The following NOL4L variants were observed in gnomAD, a reference collection of about 807,000 sequenced individuals.
The protein encoded by NOL4L is nucleolar protein 4-like.
NOL4L carries 7 observed loss-of-function variants against 64.5 expected under a neutral mutation model. The observed-to-expected ratio is 0.11, with a 90% CI of 0.06 to 0.20. The LOEUF is 0.20. Among genes scored for constraint, NOL4L ranks in the 10% least tolerant of loss-of-function variants. The probability of loss-of-function intolerance (pLI) is 1.00; values close to 1 mark genes in which losing one functional copy is unlikely to be tolerated. For synonymous variants in NOL4L, 413 were observed against 401.0 expected (o/e 1.03, Z -0.36); for missense variants, 680 against 967.1 (o/e 0.70, Z 3.94).
chr20:32,448,032 C>A (rs573793736), intron 10 of NOL4L, among the ~76,000 whole-genome samples: 1 of 152,308 alleles, frequency 6.6e-6, no homozygotes, highest in South Asian at 2.1e-4. Context: ...TCAGGGTGAT[C>A]TTGCAAGGAT....
At chr20:32,473,691 G>A (rs1396867764) in intron 5 of NOL4L, among the ~76,000 whole-genome samples, 2 of 152,120 alleles carry the variant, frequency 1.3e-5, no homozygotes, top group Non-Finnish European at 2.9e-5. Flanking sequence ...AGGCTGACCC[G>A]TTTCACAGAG....
chr20:32,515,934 T>C (rs2017636593), intron 3 of NOL4L, among the ~76,000 whole-genome samples: 1 of 152,210 alleles, frequency 6.6e-6, no homozygotes, highest in Admixed American at 6.5e-5. Context: ...CCTAGTTTTA[T>C]GCAGTCTCGA....
rs2012261229 is a variant in NOL4L at position 32,444,819 on chromosome 20, G to A, written c.*2777C>T. 6.6e-6 allele frequency: 1 copy of A among 152,236 alleles called. No homozygotes were observed. Among genetic ancestry groups the A allele is most frequent in the Non-Finnish European group, 1.5e-5 (1 of 68,036 alleles). The allele number at this position is 152,236 out of a possible 1,614,324, so 9.4% of individuals were successfully genotyped here. On this transcript the variant is annotated 3_prime_UTR_variant, in exon 11 of 11. Transcript: ENST00000621426. ...TGGCTGTGGGACAAGGGCTTTGGGAGCTCCTTTTGGGAGAAGGCAGTCCCT... is the reference window on the plus strand; with the variant it reads ...TGGCTGTGGGACAAGGGCTTTGGGAACTCCTTTTGGGAGAAGGCAGTCCCT...
chr20:32,467,811 C>T (rs1220526983), intron 5 of NOL4L, among the ~76,000 whole-genome samples: 2 of 152,194 alleles, frequency 1.3e-5, no homozygotes, highest in Non-Finnish European at 2.9e-5. Context: ...GCTCTGTGTG[C>T]CCCCACACTT....
chr20:32,540,999 G>A (rs559261790), intron 1 of NOL4L, among the ~76,000 whole-genome samples: 160 of 70,736 alleles, frequency 2.3e-3, no homozygotes, highest in African/African-American at 9.1e-3. Context: ...AGCCTGCCTC[G>A]CCACCCCCTA....
At chr20:32,512,694 G>GT (rs35149216) in intron 3 of NOL4L, among the ~76,000 whole-genome samples, 8 of 151,392 alleles carry the variant, frequency 5.3e-5, no homozygotes, top group Admixed American at 6.6e-5. Flanking sequence ...CTTTTAAAAA[G>GT]TTTTTTTTTC....
intron 4 of NOL4L, chr20:32,509,703 G>A: frequency 8.3e-7 from 1 of 1,211,456 alleles, no homozygotes; most frequent in African/African-American, 1.6e-5. Flanking sequence ...TGAAGATACA[G>A]TTAGGATTTT....
rs546794767 is a variant in NOL4L, at chr20:32,444,118, A to G, written c.*3478T>C. The G allele has an allele frequency of 2.6e-5, 4 of 152,364 alleles. No individual in the cohort carries two copies. The highest frequency in any genetic ancestry group is 9.6e-5 in the African/African-American group (4 of 41,588). The allele number at this position is 152,364 out of a possible 1,614,324, so 9.4% of individuals were successfully genotyped here. A position where few individuals can be genotyped will look rare whatever the true frequency, so the allele number is the denominator to read the frequency against. On this transcript the variant is annotated 3_prime_UTR_variant, in exon 11 of 11. Coordinates refer to ENST00000621426, the MANE Select transcript of NOL4L (RefSeq NM_001256798.2). ...TGCAGAACACACAGGGACTGGGGGC[A>G]TCTGTACATGTAAACAGTACACTTT... is the stretch of plus-strand genomic sequence containing the variant.
chr20:32,499,245 G>A (rs978239671), intron 4 of NOL4L, among the ~76,000 whole-genome samples: 21 of 152,240 alleles, frequency 1.4e-4, no homozygotes, highest in African/African-American at 4.6e-4. Context: ...GGGGAATGCT[G>A]TGCTGTCCAT....
chr20:32,559,358 T>A (rs1329562786), intron 1 of NOL4L, among the ~76,000 whole-genome samples: 1 of 152,228 alleles, frequency 6.6e-6, no homozygotes, highest in East Asian at 1.9e-4. Flanking sequence ...CCAGCCTAGA[T>A]GCTGGCACAT....
chr20:32,453,908 ACTCCCCTCTTCTG>A lies in NOL4L; in HGVS notation c.1120-160_1120-148del. On this transcript the variant is annotated intron_variant, in intron 6 of 10. Transcript: ENST00000621426. The surrounding 1 kb of genome is among the most constrained non-coding windows in gnomAD (Gnocchi z 5.6). ...ATAGCTGCGAGGCCCTGAGCAAGTC[ACTCCCCTCTTCTG>A]CTCCCTTCATCTGTGCAATGGGGAC... 1 of 686,928 alleles carries A rather than the reference ACTCCCCTCTTCTG, an allele frequency of 1.5e-6. No individual in the cohort carries two copies. The highest frequency in any genetic ancestry group is 2.5e-6 in the Non-Finnish European group (1 of 407,770). The allele number at this position is 686,928 out of a possible 1,614,324, so 42.6% of individuals were successfully genotyped here.
At chr20:32,488,776 TTCCTTCCTTCCTTC>T (rs1568647529) in intron 4 of NOL4L, among the ~76,000 whole-genome samples, 11 of 51,450 alleles carry the variant, frequency 2.1e-4, no homozygotes, top group African/African-American at 2.1e-3. Context: ...CCTTCCTTCC[TTCCTTCCTTCCTTC>T]CTTTCTTTCT....
intron 1 of NOL4L, among the ~76,000 whole-genome samples, chr20:32,564,742 G>A (rs966391905): frequency 2.0e-4 from 31 of 152,260 alleles, no homozygotes; most frequent in African/African-American, 7.2e-4. Flanking sequence ...CCTTCAAGGT[G>A]CTGCACAAAG....
At chr20:32,556,864 C>T (rs891040959) in intron 1 of NOL4L, among the ~76,000 whole-genome samples, 1 of 152,252 alleles carries the variant, frequency 6.6e-6, no homozygotes, top group African/African-American at 2.4e-5. Flanking sequence ...GCCACAGTGC[C>T]TCGCCACACG....
At chr20:32,451,244 T>C (rs2012872628) in intron 10 of NOL4L, among the ~76,000 whole-genome samples, 1 of 152,208 alleles carries the variant, frequency 6.6e-6, no homozygotes, top group Admixed American at 6.5e-5. Context: ...CCAAAGCACA[T>C]GGCTTCTGCC....
At chr20:32,513,382 C>T (rs2017496964) in intron 3 of NOL4L, among the ~76,000 whole-genome samples, 1 of 152,184 alleles carries the variant, frequency 6.6e-6, no homozygotes, top group African/African-American at 2.4e-5. Context: ...ATTCTACTTA[C>T]ACGAAATACT....
intron 1 of NOL4L, among the ~76,000 whole-genome samples, chr20:32,561,970 CAG>C (rs1429379467): frequency 3.9e-5 from 6 of 152,082 alleles, no homozygotes; most frequent in South Asian, 2.1e-4. Flanking sequence ...GCCTGGGTGA[CAG>C]AGTGAGACTC....
At chr20:32,473,389 C>T (rs981093031) in intron 5 of NOL4L, among the ~76,000 whole-genome samples, 1 of 152,234 alleles carries the variant, frequency 6.6e-6, no homozygotes, top group Non-Finnish European at 1.5e-5. Context: ...CCCGTGGGAA[C>T]GCTGGAAGGC....
At chr20:32,498,057 G>A (rs181797665) in intron 4 of NOL4L, among the ~76,000 whole-genome samples, 2,897 of 152,332 alleles carry the variant, frequency 0.019, 97 homozygotes, top group African/African-American at 0.067. Context: ...CATTTGTAGG[G>A]GTGGAGGTCT....
Sources: allele counts gnomAD v4.1 joint callset (sites outside exome capture counted in the v4.1 genomes callset), GRCh38; gene constraint gnomAD v4.1.1; non-coding constraint Gnocchi (gnomAD v3.1); transcripts MANE v1.5; gene names NCBI Gene and HGNC (gene_info 2026-07-23, HGNC 2026-07-21).